The following ANKS1A variants were observed in gnomAD, a reference collection of about 807,000 sequenced individuals.
ANKS1A encodes ankyrin repeat and sterile alpha motif domain containing 1A.
In ANKS1A, 55 loss-of-function variants were observed where a neutral mutation model predicts 120.3. The ratio of observed to expected loss-of-function variants is 0.46; its 90% confidence interval spans 0.37 to 0.57. The LOEUF is 0.57. Among genes scored for constraint, ANKS1A ranks in the 20% least tolerant of loss-of-function variants. ANKS1A has a pLI of 0.00. For missense variants in ANKS1A, 1,123 were observed against 1,480.3 expected, an observed-to-expected ratio of 0.76 and a Z score of 3.96; for synonymous variants, 590 against 604.7, an observed-to-expected ratio of 0.98 and a Z score of 0.36.
intron 3 of ANKS1A, 32 bp from the exon 4 acceptor site, chr6:34,981,658 T>C (rs1306350612): frequency 1.2e-6 from 2 of 1,603,960 alleles, no homozygotes; most frequent in South Asian, 2.2e-5. Context: ...GCCAGTGACC[T>C]TTCTGATGTG....
chr6:35,006,672 A>C (rs1773474994), intron 10 of ANKS1A, among the ~76,000 whole-genome samples: 1 of 151,520 alleles, frequency 6.6e-6, no homozygotes, highest in South Asian at 2.1e-4. Flanking sequence ...GGAGAATGGC[A>C]TGAACCCGGG....
intron 10 of ANKS1A, among the ~76,000 whole-genome samples, chr6:35,007,809 G>A (rs897879043): frequency 1.3e-4 from 20 of 152,214 alleles, no homozygotes; most frequent in Admixed American, 4.6e-4. Flanking sequence ...TGAGAGCTAC[G>A]CATTTGAGTC....
chr6:35,015,462 G>A (rs571211916), intron 10 of ANKS1A, among the ~76,000 whole-genome samples: 1 of 152,156 alleles, frequency 6.6e-6, no homozygotes, highest in Non-Finnish European at 1.5e-5. Flanking sequence ...GTGTGCAACT[G>A]CATTCCAGCC....
chr6:35,028,799 G>A (rs542767946), intron 11 of ANKS1A, among the ~76,000 whole-genome samples: 2 of 152,246 alleles, frequency 1.3e-5, no homozygotes, highest in African/African-American at 4.8e-5. Context: ...ATTCCATGGT[G>A]TGCATATACT....
intron 1 of ANKS1A, among the ~76,000 whole-genome samples, chr6:34,913,483 T>A (rs1190814196): frequency 6.6e-6 from 1 of 152,182 alleles, no homozygotes; most frequent in Non-Finnish European, 1.5e-5. Context: ...TGTGCCACTA[T>A]GCCCAGCTAA....
intron 9 of ANKS1A, 72 bp downstream of exon 9, chr6:34,989,388 A>G: frequency 7.2e-7 from 1 of 1,395,930 alleles, no homozygotes; most frequent in Non-Finnish European, 1.0e-6. Context: ...TGTGTGCTTT[A>G]AAAGACTTTG....
chr6:35,056,349 G>A (rs533068332), intron 12 of ANKS1A, among the ~76,000 whole-genome samples: 23 of 152,218 alleles, frequency 1.5e-4, no homozygotes, highest in African/African-American at 5.1e-4. Context: ...AGTGCAGCGC[G>A]GTGATCTCCA....
chr6:35,081,176 G>GA lies in ANKS1A; in HGVS notation c.2709+19dup. ...GGATCCAGGTGGGGCAGGGGGAGTGGAGGTGCAGCCAGGCTCTACCTCATT... is the reference window on the plus strand; with the variant it reads ...GGATCCAGGTGGGGCAGGGGGAGTGGAAGGTGCAGCCAGGCTCTACCTCATT... On this transcript the variant is annotated intron_variant, in intron 17 of 23. Coordinates refer to ENST00000360359, the MANE Select transcript of ANKS1A (RefSeq NM_015245.3). The GA allele has an allele frequency of 6.3e-7, 1 of 1,598,030 alleles. No homozygotes were observed. The highest frequency in any genetic ancestry group is 1.1e-5 in the South Asian group (1 of 90,036).
chr6:35,067,884 CAATTTT>C (rs1776857285), intron 13 of ANKS1A, among the ~76,000 whole-genome samples: 1 of 97,562 alleles, frequency 1.0e-5, no homozygotes. Flanking sequence ...ACTTCATTTT[CAATTTT>C]TTTTTTTTTT....
At chr6:35,065,768 A>G (rs539160230) in intron 13 of ANKS1A, among the ~76,000 whole-genome samples, 2 of 152,310 alleles carry the variant, frequency 1.3e-5, no homozygotes, top group Admixed American at 6.5e-5. Context: ...ACGTCCACCC[A>G]CTGCATGTTG....
chr6:35,078,345 C>A (rs1303108946), intron 13 of ANKS1A, among the ~76,000 whole-genome samples: 2 of 152,132 alleles, frequency 1.3e-5, no homozygotes, highest in African/African-American at 2.4e-5. Flanking sequence ...GGCCTCAGCA[C>A]CCTGTGCATA....
chr6:35,049,147 T>C (rs1775856041), intron 11 of ANKS1A, among the ~76,000 whole-genome samples: 1 of 152,094 alleles, frequency 6.6e-6, no homozygotes, highest in Admixed American at 6.5e-5. Context: ...GAGTGTGAGG[T>C]GCTTTGGGGG....
intron 1 of ANKS1A, among the ~76,000 whole-genome samples, chr6:34,936,054 T>C (rs1581716147): frequency 1.0e-5 from 1 of 96,326 alleles, no homozygotes; most frequent in South Asian, 3.8e-4. Context: ...AGAGCGAGAC[T>C]CCGTCTCAAA....
chr6:34,951,462 C>T (rs577648070), intron 1 of ANKS1A, among the ~76,000 whole-genome samples: 9 of 152,230 alleles, frequency 5.9e-5, no homozygotes, highest in South Asian at 4.2e-4. Flanking sequence ...AGGATTCACA[C>T]GTGTCAGTTG....
chr6:34,963,598 C>A (rs1770757084), intron 1 of ANKS1A, among the ~76,000 whole-genome samples: 2 of 152,210 alleles, frequency 1.3e-5, no homozygotes, highest in African/African-American at 4.8e-5. Context: ...GCAGATATTT[C>A]TTCCATATAC....
chr6:34,925,366 A>AG lies in ANKS1A; in HGVS notation c.197+35771dup, dbSNP rs560742137. Among the ~76,000 whole-genome samples, 40 of 152,290 alleles carry AG rather than the reference A, an allele frequency of 2.6e-4. No homozygotes were observed. In the South Asian group the frequency reaches 6.4e-3, roughly 24 times the overall value. ...TATGTGGCAGATGACATCAAGGGTG[A>AG]GGGGAAGGAGAGTCTGGTTGGGCCC... On this transcript the variant is annotated intron_variant, in intron 1 of 23. Coordinates refer to ENST00000360359, the MANE Select transcript of ANKS1A (RefSeq NM_015245.3).
chr6:34,980,692 A>G (rs1224757456), intron 3 of ANKS1A, among the ~76,000 whole-genome samples: 2 of 152,178 alleles, frequency 1.3e-5, no homozygotes, highest in Admixed American at 1.3e-4. Flanking sequence ...TGGGAGAATT[A>G]TTTTCATCAG....
chr6:35,006,411 A>G (rs1773459310), intron 10 of ANKS1A, among the ~76,000 whole-genome samples: 1 of 152,030 alleles, frequency 6.6e-6, no homozygotes, highest in Non-Finnish European at 1.5e-5. Context: ...GCTTGAGAGT[A>G]TGGATGCCCC....
chr6:35,067,475 T>A (rs1776833602), intron 13 of ANKS1A, among the ~76,000 whole-genome samples: 1 of 152,186 alleles, frequency 6.6e-6, no homozygotes, highest in African/African-American at 2.4e-5. Context: ...CCGGCCAGCA[T>A]TAGCAAAGGC....
Sources: allele counts gnomAD v4.1 joint callset (sites outside exome capture counted in the v4.1 genomes callset), GRCh38; gene constraint gnomAD v4.1.1; transcripts MANE v1.5; gene names NCBI Gene and HGNC (gene_info 2026-07-23, HGNC 2026-07-21).